The following FYCO1 variants were observed in gnomAD, a reference collection of about 807,000 sequenced individuals.
The protein encoded by FYCO1 is FYVE and coiled-coil domain autophagy adaptor 1, also known as FYVE and coiled-coil domain-containing protein 1.
In FYCO1, 122 loss-of-function variants were observed where a neutral mutation model predicts 165.1. The observed-to-expected ratio is 0.74, with a 90% CI of 0.64 to 0.86. FYCO1 has a LOEUF of 0.86. Ranked by LOEUF, FYCO1 falls within the 40% of genes least tolerant of loss-of-function variation. The pLI is 0.00. For synonymous variants in FYCO1, 648 were observed against 742.5 expected, an observed-to-expected ratio of 0.87 and a Z score of 2.07; for missense variants, 1,702 against 1,810.3, an observed-to-expected ratio of 0.94 and a Z score of 1.09.
chr3:45,985,133 C>T, intron 1 of FYCO1, 111 bp from the exon 2 acceptor site: 1 of 641,504 alleles, frequency 1.6e-6, no homozygotes, highest in Non-Finnish European at 2.8e-6. Context: ...GGTGTATTCC[C>T]TCAACAGGAG....
intron 1 of FYCO1, among the ~76,000 whole-genome samples, chr3:45,992,581 C>T (rs1707611200): frequency 6.6e-6 from 1 of 152,206 alleles, no homozygotes; most frequent in Non-Finnish European, 1.5e-5. Flanking sequence ...TTTAGGCACT[C>T]TATCTGTCCT....
intron 13 of FYCO1, among the ~76,000 whole-genome samples, chr3:45,956,531 A>T (rs1705340378): frequency 6.6e-6 from 1 of 151,976 alleles, no homozygotes; most frequent in African/African-American, 2.4e-5. Context: ...GACCTGCCAC[A>T]TGACCACTAA....
chr3:45,921,738 T>G lies in FYCO1; in HGVS notation c.*27A>C, dbSNP rs751751912. On this transcript the variant is annotated 3_prime_UTR_variant, in exon 18 of 18. Transcript: ENST00000296137. ...GAGGAAGAGCAGTGTTTCCTGTGGA[T>G]GAAGTGAAGTTACTGAGGTGCTGAA... The G allele has an allele frequency of 7.6e-6, 11 of 1,454,238 alleles. No homozygotes were observed. The South Asian group carries it at 8.0e-5, about 11-fold the overall frequency. The allele number at this position is 1,454,238 out of a possible 1,614,324, so 90.1% of individuals were successfully genotyped here. A position where few individuals can be genotyped will look rare whatever the true frequency, so the allele number is the denominator to read the frequency against.
intron 7 of FYCO1, 89 bp from the exon 8 acceptor site, chr3:45,968,792 T>G: frequency 6.8e-7 from 1 of 1,467,884 alleles, no homozygotes; most frequent in Non-Finnish European, 9.5e-7. Flanking sequence ...AGAGCAGAGG[T>G]AAAAATACAG....
At position 45,968,411 on chromosome 3, in the gene FYCO1, G is replaced by A; in HGVS notation, c.923C>T (p.Thr308Ile). 1 of 1,613,802 alleles carries A rather than the reference G, an allele frequency of 6.2e-7. No individual in the cohort carries two copies. Among genetic ancestry groups the A allele is most frequent in the Admixed American group, 1.7e-5 (1 of 60,026 alleles). ...CTGCAGCTCCTTCACAGTGTTCTGG[G>A]TGGCCTGGGTGACCTCCCACTGCTT... ...LQKQWEVTQA[T>I]QNTVKELQTC... The change falls in exon 8 of 18, where the codon ACC (threonine) becomes ATC (isoleucine). Residue 308 changes from threonine to isoleucine, a missense_variant. By Grantham distance (89) the Thr-to-Ile change is moderately conservative (BLOSUM62 -1). Coordinates refer to ENST00000296137, the MANE Select transcript of FYCO1 (RefSeq NM_024513.4).
intron 16 of FYCO1, among the ~76,000 whole-genome samples, chr3:45,930,070 A>G (rs1703516276): frequency 6.6e-6 from 1 of 152,220 alleles, no homozygotes; most frequent in Non-Finnish European, 1.5e-5. Context: ...CTTGTTTCAC[A>G]TGACTTCAGC....
In FYCO1 at chr3:45,920,474, A is replaced by C. The variant is rs1301295171; in HGVS notation, c.*1291T>G. ...ATGGAAGAACCTGGGGCCTGACTGC[A>C]GGCAGCTGGTTCCATGAACAAGGGA... is the stretch of plus-strand genomic sequence containing the variant. On this transcript the variant is annotated 3_prime_UTR_variant, in exon 18 of 18. Coordinates refer to ENST00000296137, the MANE Select transcript of FYCO1 (RefSeq NM_024513.4). 2 of 152,274 alleles carry C rather than the reference A, an allele frequency of 1.3e-5. No homozygotes were observed. The highest frequency in any genetic ancestry group is 3.8e-4 in the East Asian group (2 of 5,198). 9.4% of individuals were successfully genotyped at this position (152,274 alleles called of 1,614,324 possible). A position where few individuals can be genotyped will look rare whatever the true frequency, so the allele number is the denominator to read the frequency against.
In FYCO1 at chr3:45,979,848, A is replaced by T. The variant is rs1194071484; in HGVS notation, c.163-18T>A. ...TGATCAAACTGGGTAGGGAAAGGGA[A>T]AGGGAGAGGAGGTCCAAACCCACTG... On this transcript the variant is annotated intron_variant, in intron 3 of 17. Coordinates refer to ENST00000296137, the MANE Select transcript of FYCO1 (RefSeq NM_024513.4). The T allele has an allele frequency of 2.5e-5, 41 of 1,613,136 alleles. No individual in the cohort carries two copies. Among genetic ancestry groups the T allele is most frequent in the Non-Finnish European group, 3.5e-5 (41 of 1,179,508 alleles).
rs894468274 is a variant in FYCO1, at chr3:45,931,285, A to C, written c.4041-4T>G. ...CACTGTGAGGGGTACTTTGATCCTA[A>C]AATAAAAATACAGAGAGGGACCTGA... is the stretch of plus-strand genomic sequence containing the variant. On this transcript the variant is annotated splice_polypyrimidine_tract_variant and splice_region_variant and intron_variant, in intron 15 of 17. Transcript: ENST00000296137. The C allele has an allele frequency of 6.2e-7, 1 of 1,613,304 alleles. No homozygotes were observed. Among genetic ancestry groups the C allele is most frequent in the Non-Finnish European group, 8.5e-7 (1 of 1,179,606 alleles).
chr3:45,948,809 C>T (rs1264055579), intron 14 of FYCO1, among the ~76,000 whole-genome samples: 1 of 152,172 alleles, frequency 6.6e-6, no homozygotes, highest in Non-Finnish European at 1.5e-5. Flanking sequence ...CTGCCACTCA[C>T]CAGTTTGTAA....
chr3:45,953,889 C>G (rs1360697320), intron 14 of FYCO1, among the ~76,000 whole-genome samples: 1 of 152,192 alleles, frequency 6.6e-6, no homozygotes, highest in East Asian at 1.9e-4. Flanking sequence ...TCTGAGAGGG[C>G]GCATCTATCA....
chr3:45,947,279 T>C (rs369088874), intron 14 of FYCO1: 16 of 1,614,142 alleles, frequency 9.9e-6, no homozygotes, highest in Non-Finnish European at 1.2e-5. Context: ...TGACCAGCTT[T>C]CACTACACCA....
chr3:45,986,557 G>A (rs972550968), intron 1 of FYCO1, among the ~76,000 whole-genome samples: 3 of 152,120 alleles, frequency 2.0e-5, no homozygotes, highest in African/African-American at 7.2e-5. Context: ...TGCAAACAAG[G>A]CCCAAAGAGG....
At position 45,964,510 on chromosome 3, in the gene FYCO1, C is replaced by T. The variant is rs185147507; in HGVS notation, c.3151-56G>A. ...AGCTTGCAGAAGGCCATGCAACGTA[C>T]CATAAAGTGGCTGGTGTGCCATCCA... is the stretch of plus-strand genomic sequence containing the variant. On this transcript the variant is annotated intron_variant, in intron 9 of 17. Transcript: ENST00000296137. The surrounding 1 kb of genome is among the most constrained non-coding windows in gnomAD (Gnocchi z 4.1). 11 of 1,609,226 alleles carry T rather than the reference C, an allele frequency of 6.8e-6. No individual in the cohort carries two copies. The East Asian group carries it at 2.5e-4, about 36-fold the overall frequency.
At chr3:45,946,934 C>A (rs1704653914) in intron 14 of FYCO1, 1 of 1,614,096 alleles carries the variant, frequency 6.2e-7, no homozygotes, top group Non-Finnish European at 8.5e-7. Context: ...GCAAGGTCAC[C>A]AGCTTGCTCA....
chr3:45,956,560 A>T (rs921462212), intron 13 of FYCO1, among the ~76,000 whole-genome samples: 3 of 149,742 alleles, frequency 2.0e-5, no homozygotes, highest in African/African-American at 7.2e-5. Context: ...CTGCTTTAGA[A>T]GTGAAGTTCT....
At chr3:45,945,435 T>C (rs55670308) in intron 14 of FYCO1, 80 of 152,366 alleles carry the variant, frequency 5.3e-4, no homozygotes, top group African/African-American at 1.9e-3. Context: ...TGATCCCTTG[T>C]CCTGTCCATG....
Position 45,968,530 on chromosome 3 carries a change from G to A in FYCO1, c.804C>T (p.Ser268=). 1.2e-6 allele frequency: 2 copies of A among 1,613,922 alleles called. No individual in the cohort carries two copies. The highest frequency in any genetic ancestry group is 2.2e-5 in the East Asian group (1 of 44,874). The part of the protein sequence containing the change: ...RENQELRAAV[S]QQGEQLQTER... ...CTGTCTGCAGTTGCTCCCCTTGCTG[G>A]CTGACAGCTGCCCTCAGCTCCTGGT... Residue 268 remains serine, a synonymous_variant, in exon 8 of 18, where the codon AGC becomes AGT. Transcript: ENST00000296137.
rs138132736 is a variant in FYCO1, at chr3:45,935,659, T to C, written c.4040+789A>G. Among the ~76,000 whole-genome samples, 1,022 of 152,376 alleles carry C rather than the reference T, an allele frequency of 6.7e-3. 5 individuals carry two copies. The highest frequency in any genetic ancestry group is 0.017 in the Middle Eastern group (5 of 294). On this transcript the variant is annotated intron_variant, in intron 15 of 17. Transcript: ENST00000296137. ...AATGGCAAATTCCCCTTCCCTGTTA[T>C]CCTACTTTATCTTTTTCCATAGCAA...
Sources: gnomAD v4.1 joint callset for allele counts (sites outside exome capture counted in the v4.1 genomes callset) on GRCh38, gnomAD v4.1.1 for gene constraint, Gnocchi (gnomAD v3.1) non-coding constraint, MANE v1.5 for transcripts, NCBI Gene and HGNC (gene_info 2026-07-23, HGNC 2026-07-21) for gene names.